The following TCF12 variants were observed in gnomAD, a reference collection of about 807,000 sequenced individuals.
The protein encoded by TCF12 is DNA-binding protein HTF4.
TCF12 carries 45 observed loss-of-function variants against 86.0 expected under a neutral mutation model. The ratio of observed to expected loss-of-function variants is 0.52; its 90% CI spans 0.41 to 0.67. The LOEUF (loss-of-function observed/expected upper bound fraction) is 0.67, where lower values mean the gene tolerates loss of function less well. TCF12 is among the 30% of genes least tolerant of loss of function. The probability of loss-of-function intolerance (pLI) is 0.00; values close to 1 mark genes in which losing one functional copy is unlikely to be tolerated. For synonymous variants in TCF12, 330 were observed against 299.6 expected (o/e 1.10, Z -1.05); for missense variants, 881 against 859.9 (o/e 1.02, Z -0.31).
At chr15:57,279,922 CTCT>C (rs2061605632) in intron 19 of TCF12, among the ~76,000 whole-genome samples, 1 of 102,600 alleles carries the variant, frequency 9.7e-6, no homozygotes, top group African/African-American at 4.6e-5. Context: ...CAGAGTTTTG[CTCT>C]TCTTGTCGCC....
At chr15:57,150,640 A>G (rs1346197534) in intron 5 of TCF12, among the ~76,000 whole-genome samples, 1 of 152,170 alleles carries the variant, frequency 6.6e-6, no homozygotes, top group Non-Finnish European at 1.5e-5. Context: ...CAAGAAAAAA[A>G]TGTACCCTGT....
At chr15:57,239,401 A>G (rs2059514071) in intron 12 of TCF12, among the ~76,000 whole-genome samples, 1 of 150,276 alleles carries the variant, frequency 6.7e-6, no homozygotes, top group Admixed American at 6.7e-5. Context: ...GTACACGCCT[A>G]TGTAATCCCA....
intron 5 of TCF12, among the ~76,000 whole-genome samples, chr15:57,144,681 C>T (rs1418431725): frequency 1.3e-5 from 2 of 152,176 alleles, no homozygotes; most frequent in African/African-American, 4.8e-5. Context: ...TCACTGCAAC[C>T]TCCGCCTCCT....
At chr15:57,100,566 A>T (rs1241738208) in intron 5 of TCF12, among the ~76,000 whole-genome samples, 4 of 151,960 alleles carry the variant, frequency 2.6e-5, no homozygotes, top group African/African-American at 9.7e-5. Flanking sequence ...TCTAGCCCAG[A>T]CTAACTTCTT....
intron 16 of TCF12, among the ~76,000 whole-genome samples, chr15:57,260,922 AGG>A (rs2060558516): frequency 6.6e-6 from 1 of 152,210 alleles, no homozygotes; most frequent in African/African-American, 2.4e-5. Flanking sequence ...ACTGATTGTT[AGG>A]TTGAGTACTT....
At chr15:57,253,525 C>G in intron 16 of TCF12, 57 bp downstream of exon 16, 1 of 1,574,982 alleles carries the variant, frequency 6.3e-7, no homozygotes, top group African/African-American at 1.4e-5. Context: ...TCCTAAATGT[C>G]TTTAATGAAA....
chr15:57,175,592 C>T (rs1384278370), intron 6 of TCF12, among the ~76,000 whole-genome samples: 1 of 152,134 alleles, frequency 6.6e-6, no homozygotes, highest in Non-Finnish European at 1.5e-5. Context: ...CAATTTTGAT[C>T]TTTGTTTATG....
At position 57,000,254 on chromosome 15, in the gene TCF12, A is replaced by C. The variant is rs184971642; in HGVS notation, c.149-63496A>C. Among the ~76,000 whole-genome samples the C allele has an allele frequency of 1.7e-4, 26 of 152,002 alleles. 1 individual carries two copies. The East Asian group carries it at 4.9e-3, about 28-fold the overall frequency. On this transcript the variant is annotated intron_variant, in intron 3 of 20. Coordinates refer to ENST00000333725, the MANE Select transcript of TCF12 (RefSeq NM_207037.2). ...CAGTGGCACCATCATAGTTCGTTAC[A>C]GCCTCCGTCTCCTGGGCTGAAGCGA... is the stretch of plus-strand genomic sequence containing the variant.
chr15:57,077,376 T>C (rs1240938259), intron 4 of TCF12, among the ~76,000 whole-genome samples: 1 of 93,758 alleles, frequency 1.1e-5, no homozygotes, highest in East Asian at 3.6e-4. Flanking sequence ...TGTGTGTGTA[T>C]ATATATTTTT....
chr15:56,988,682 C>G (rs1301062032), intron 3 of TCF12, among the ~76,000 whole-genome samples: 1 of 152,164 alleles, frequency 6.6e-6, no homozygotes, highest in Non-Finnish European at 1.5e-5. Context: ...ATGTAGTAGA[C>G]AATTAGTATT....
intron 19 of TCF12, among the ~76,000 whole-genome samples, chr15:57,273,508 T>G (rs1198821131): frequency 2.0e-5 from 3 of 151,878 alleles, no homozygotes; most frequent in African/African-American, 7.3e-5. Context: ...ACAAACAGCC[T>G]CTGCCTGCTG....
chr15:57,130,535 C>T (rs2052028747), intron 5 of TCF12, among the ~76,000 whole-genome samples: 1 of 152,038 alleles, frequency 6.6e-6, no homozygotes, highest in Non-Finnish European at 1.5e-5. Context: ...ATCAGGGGAC[C>T]AGCTGAGGAA....
At chr15:57,176,390 A>G (rs1278135316) in intron 6 of TCF12, among the ~76,000 whole-genome samples, 2 of 152,240 alleles carry the variant, frequency 1.3e-5, no homozygotes, top group Non-Finnish European at 2.9e-5. Flanking sequence ...AACTACATGT[A>G]TAAGCACAGA....
intron 5 of TCF12, among the ~76,000 whole-genome samples, chr15:57,146,605 A>G (rs1406448219): frequency 2.0e-5 from 3 of 152,240 alleles, no homozygotes; most frequent in African/African-American, 4.8e-5. Context: ...CTGTCTTACC[A>G]TAATCTGACT....
chr15:56,919,953 G>A lies in TCF12; in HGVS notation c.40G>A (p.Asp14Asn). The A allele has an allele frequency of 6.2e-7, 1 of 1,614,088 alleles. No individual in the cohort carries two copies. The highest frequency in any genetic ancestry group is 8.5e-7 in the Non-Finnish European group (1 of 1,180,000). Residue 14 changes from aspartate to asparagine, a missense_variant, in exon 2 of 21, where the codon GAC (aspartate) becomes AAC (asparagine). This residue lies in a region of TCF12 where 766 missense variants were observed against 718.9 expected (regional missense o/e 1.07). Transcript: ENST00000333725. Reference protein sequence around the residue: ...QQQRMAAIGTDKELSDLLDFS... With the variant: ...QQQRMAAIGTNKELSDLLDFS... The stretch of plus-strand genomic sequence containing the variant: ...ACAACGCATGGCCGCTATAGGGACC[G>A]ACAAGGAGCTGAGCGACCTACTGGA...
chr15:57,114,368 G>A, intron 5 of TCF12, among the ~76,000 whole-genome samples: 1 of 152,138 alleles, frequency 6.6e-6, no homozygotes, highest in East Asian at 1.9e-4. Flanking sequence ...GTGGCTTACT[G>A]CAGCCTTGGC....
intron 3 of TCF12, among the ~76,000 whole-genome samples, chr15:56,981,158 T>C (rs1402615457): frequency 6.6e-6 from 1 of 152,238 alleles, no homozygotes; most frequent in Non-Finnish European, 1.5e-5. Context: ...GGAGAGTCTT[T>C]ACTGAAAGTT....
chr15:57,231,507 A>G (rs2059137828), intron 9 of TCF12, among the ~76,000 whole-genome samples: 3 of 152,164 alleles, frequency 2.0e-5, no homozygotes, highest in African/African-American at 7.2e-5. Flanking sequence ...AAATTGAGAA[A>G]AATTAATAGA....
intron 3 of TCF12, among the ~76,000 whole-genome samples, chr15:56,942,370 G>T (rs1162808943): frequency 6.6e-6 from 1 of 152,090 alleles, no homozygotes; most frequent in East Asian, 1.9e-4. Context: ...ATAATAATCT[G>T]ACTGTTTTCA....
Sources: allele counts gnomAD v4.1 joint callset (sites outside exome capture counted in the v4.1 genomes callset), GRCh38; gene constraint gnomAD v4.1.1; regional missense constraint gnomAD v4.1.1; transcripts MANE v1.5; gene names NCBI Gene and HGNC (gene_info 2026-07-23, HGNC 2026-07-21).